RNF34: variants seen among roughly 807,000 people sequenced by gnomAD.
RNF34 encodes the protein E3 ubiquitin-protein ligase RNF34.
RNF34 carries 12 observed loss-of-function variants against 37.9 expected under a neutral mutation model. The ratio of observed to expected loss-of-function variants is 0.32; its 90% confidence interval spans 0.20 to 0.51. RNF34 has a LOEUF of 0.51. RNF34 is among the 20% of genes least tolerant of loss of function. The pLI is 0.97. For synonymous variants in RNF34, 155 were observed against 177.2 expected (o/e 0.87, Z 1.00); for missense variants, 362 against 472.7 (o/e 0.77, Z 2.17).
intron 3 of RNF34, 33 bp from the exon 4 acceptor site, chr12:121,420,209 C>A: frequency 6.2e-7 from 1 of 1,600,016 alleles, no homozygotes; most frequent in East Asian, 2.2e-5. Flanking sequence ...CAGATTGATT[C>A]CTGACCTAAT....
At chr12:121,401,309 G>A (rs1256326886) in intron 1 of RNF34, among the ~76,000 whole-genome samples, 1 of 126,294 alleles carries the variant, frequency 7.9e-6, no homozygotes, top group Non-Finnish European at 1.6e-5. Context: ...CAAAAGAAGA[G>A]TTATTTGTAA....
chr12:121,406,127 A>G (rs914837575), intron 1 of RNF34, among the ~76,000 whole-genome samples: 12 of 152,078 alleles, frequency 7.9e-5, no homozygotes, highest in Admixed American at 7.2e-4. Flanking sequence ...GGATGTGGAA[A>G]AAAGGTACTG....
chr12:121,413,415 C>CT (rs573738844), intron 1 of RNF34, among the ~76,000 whole-genome samples: 43,137 of 130,520 alleles, frequency 0.33, 7,595 homozygotes, highest in East Asian at 0.44. Flanking sequence ...TTTACCTGTC[C>CT]TTTTTTTTTT....
At chr12:121,414,771 C>T (rs1367359347) in intron 1 of RNF34, among the ~76,000 whole-genome samples, 4 of 150,906 alleles carry the variant, frequency 2.7e-5, no homozygotes, top group Non-Finnish European at 5.9e-5. Flanking sequence ...CTCCCGAATT[C>T]AAGCAATTCT....
chr12:121,402,317 G>C (rs1236645024), intron 1 of RNF34, among the ~76,000 whole-genome samples: 1 of 151,992 alleles, frequency 6.6e-6, no homozygotes, highest in Non-Finnish European at 1.5e-5. Context: ...AAAAAGTTAA[G>C]CAGTTAAAAA....
rs1555283183 is a variant in RNF34 at position 121,420,654 on chromosome 12, C to G, written c.804C>G (p.Ser268Arg). 1 of 1,614,054 alleles carries G rather than the reference C, an allele frequency of 6.2e-7. No individual in the cohort carries two copies. The highest frequency in any genetic ancestry group is 1.7e-5 in the Admixed American group (1 of 60,006). The change falls in exon 5 of 6, where the codon AGC becomes AGG. Residue 268 changes from serine to arginine, a missense_variant. Coordinates refer to ENST00000361234, the MANE Select transcript of RNF34 (RefSeq NM_025126.4). ...LSSLDDVEGMSVRQLKEILAR... is the reference protein window; with the variant it reads ...LSSLDDVEGMRVRQLKEILAR... ...GCCTTGATGATGTGGAAGGAATGAG[C>G]GTGCGCCAGCTGAAGGAAATTCTGG...
At chr12:121,411,120 A>G (rs1036643175) in intron 1 of RNF34, among the ~76,000 whole-genome samples, 1 of 152,130 alleles carries the variant, frequency 6.6e-6, no homozygotes, top group Non-Finnish European at 1.5e-5. Context: ...TTGTAGAGAT[A>G]GAGTCTCCCT....
At position 121,423,187 on chromosome 12, in the gene RNF34, G is replaced by A. The variant is rs1872313187; in HGVS notation, c.929-199G>A. 6.6e-6 allele frequency among the ~76,000 whole-genome samples: 1 copy of A among 152,222 alleles called. No homozygotes were observed. Among genetic ancestry groups the A allele is most frequent in the Admixed American group, 6.5e-5 (1 of 15,282 alleles). Reference sequence around the variant, plus strand: ...CATTTTATTCTTTACAAAACCCTGAGGTATAGCTTTTATCATTGCCATTTC... The same window carrying A: ...CATTTTATTCTTTACAAAACCCTGAAGTATAGCTTTTATCATTGCCATTTC... On this transcript the variant is annotated intron_variant, in intron 5 of 5. Transcript: ENST00000361234. The surrounding 1 kb of genome is among the most constrained non-coding windows in gnomAD (Gnocchi z 4.3).
Position 121,417,628 on chromosome 12 carries a change from G to A in RNF34, c.350G>A (p.Arg117Gln), listed in dbSNP as rs1555282393. 1.2e-6 allele frequency: 2 copies of A among 1,614,158 alleles called. No individual in the cohort carries two copies. Among genetic ancestry groups the A allele is most frequent in the Non-Finnish European group, 1.7e-6 (2 of 1,180,010 alleles). The change falls in exon 3 of 6, where the codon CGA becomes CAA. Residue 117 changes from arginine to glutamine, a missense_variant. Physicochemically the swap from Arg to Gln is conservative, Grantham distance 43. Transcript: ENST00000361234. The surrounding 1 kb of genome is among the most constrained non-coding windows in gnomAD (Gnocchi z 5.0). ...ETAFQRPQLM[R>Q]LKVKDLRQYL... ...GCATTTCAGCGCCCTCAGTTAATGC[G>A]ACTGAAGGTGAAGGACCTGCGGCAG...
At chr12:121,410,118 C>T (rs1050098201) in intron 1 of RNF34, among the ~76,000 whole-genome samples, 1 of 151,660 alleles carries the variant, frequency 6.6e-6, no homozygotes, top group African/African-American at 2.4e-5. Context: ...CGTGCCATCG[C>T]ACTCCAACCT....
chr12:121,415,325 A>C (rs1555281993), intron 1 of RNF34: 2 of 375,174 alleles, frequency 5.3e-6, no homozygotes, highest in Non-Finnish European at 1.2e-5. Flanking sequence ...GAAATGAAGT[A>C]ATTTAAATTT....
intron 1 of RNF34, chr12:121,415,275 A>G (rs975728643): frequency 2.7e-6 from 1 of 370,114 alleles, no homozygotes; most frequent in East Asian, 7.4e-5. Context: ...ATGCTATAGT[A>G]TATTATACCC....
At chr12:121,414,034 G>A (rs572530134) in intron 1 of RNF34, among the ~76,000 whole-genome samples, 13 of 152,228 alleles carry the variant, frequency 8.5e-5, no homozygotes, top group African/African-American at 2.9e-4. Flanking sequence ...TTACTTCTGG[G>A]TAATAGCAGA....
chr12:121,422,294 A>G (rs1555283527), intron 5 of RNF34, among the ~76,000 whole-genome samples: 1 of 152,156 alleles, frequency 6.6e-6, no homozygotes. Flanking sequence ...CATCTTTCCT[A>G]GCTTGACTGG....
chr12:121,401,095 T>A (rs1555279954), intron 1 of RNF34, among the ~76,000 whole-genome samples: 1 of 151,962 alleles, frequency 6.6e-6, no homozygotes, highest in Admixed American at 6.6e-5. Context: ...GGGTGGGTAA[T>A]CTAGCAGGTG....
At position 121,417,539 on chromosome 12, in the gene RNF34, CGTTT is replaced by C; in HGVS notation, c.265_268del (p.Cys89GlnfsTer26). On this transcript the variant is annotated frameshift_variant, in exon 3 of 6. Transcript: ENST00000361234. LOFTEE classifies it high-confidence loss of function. The surrounding 1 kb of genome is among the most constrained non-coding windows in gnomAD (Gnocchi z 5.0). ...GTGACTGCAAGAAGGATTTTTGCTC[CGTTT>C]GTTCAGTCTTACAAGAAAATCTCCG... 1 of 1,612,786 alleles carries C rather than the reference CGTTT, an allele frequency of 6.2e-7. No individual in the cohort carries two copies. The highest frequency in any genetic ancestry group is 8.5e-7 in the Non-Finnish European group (1 of 1,179,458).
At chr12:121,415,860 T>TTTTTA (rs1469036879) in intron 1 of RNF34, among the ~76,000 whole-genome samples, 2 of 150,836 alleles carry the variant, frequency 1.3e-5, no homozygotes, top group Non-Finnish European at 3.0e-5. Context: ...TTTTTTTTTT[T>TTTTTA]TACATGCCTG....
chr12:121,403,308 A>G (rs1484834416), intron 1 of RNF34, among the ~76,000 whole-genome samples: 2 of 151,454 alleles, frequency 1.3e-5, no homozygotes, highest in Non-Finnish European at 2.9e-5. Flanking sequence ...AGGCAGGAGA[A>G]TGGCGTGAAC....
chr12:121,417,838 C>T lies in RNF34; in HGVS notation c.560C>T (p.Ser187Phe). The T allele has an allele frequency of 6.2e-7, 1 of 1,614,180 alleles. No individual in the cohort carries two copies. The highest frequency in any genetic ancestry group is 8.5e-7 in the Non-Finnish European group (1 of 1,180,044). Residue 187 changes from serine to phenylalanine, a missense_variant, in exon 3 of 6, where the codon TCT becomes TTT. By Grantham distance (155) the Ser-to-Phe change is radical. Transcript: ENST00000361234. The surrounding 1 kb of genome is among the most constrained non-coding windows in gnomAD (Gnocchi z 5.0). ...TTTTTTTCAAACTATACAGCCCCCT[C>T]TGCTACTATGTCTTCGTTTCAGGGA... ...RSFFSNYTAP[S>F]ATMSSFQGEL...
Sources: allele counts gnomAD v4.1 joint callset (sites outside exome capture counted in the v4.1 genomes callset), GRCh38; gene constraint gnomAD v4.1.1; non-coding constraint Gnocchi (gnomAD v3.1); transcripts MANE v1.5; gene names NCBI Gene and HGNC (gene_info 2026-07-23, HGNC 2026-07-21).